The following DLG5 variants were observed in gnomAD, a reference collection of about 807,000 sequenced individuals.
The protein encoded by DLG5 is disks large homolog 5.
DLG5 carries 48 observed loss-of-function variants against 189.8 expected under a neutral mutation model. The observed-to-expected ratio is 0.25, with a 90% confidence interval of 0.20 to 0.32. The LOEUF (loss-of-function observed/expected upper bound fraction) is 0.32. Ranked by LOEUF, DLG5 falls within the 10% of genes least tolerant of loss-of-function variation. DLG5 has a pLI of 1.00. For missense variants in DLG5, 2,160 were observed against 2,544.7 expected (o/e 0.85, Z 3.25); for synonymous variants, 1,016 against 1,054.1 (o/e 0.96, Z 0.70).
At chr10:77,859,817 T>C (rs1357899808) in intron 2 of DLG5, among the ~76,000 whole-genome samples, 1 of 152,244 alleles carries the variant, frequency 6.6e-6, no homozygotes, top group African/African-American at 2.4e-5. Context: ...GGTCAAAATA[T>C]TCTTTGGCGG....
In DLG5 at chr10:77,891,681, C is replaced by T. The variant is rs570527630; in HGVS notation, c.305-22484G>A. On this transcript the variant is annotated intron_variant, in intron 1 of 31. Transcript: ENST00000372391. ...CCACATTCCCTCCAACCCCGCTACACATCACTCCCACAGGACATCACAAAA... is the reference window on the plus strand; with the variant it reads ...CCACATTCCCTCCAACCCCGCTACATATCACTCCCACAGGACATCACAAAA... 9.9e-5 allele frequency among the ~76,000 whole-genome samples: 15 copies of T among 152,248 alleles called. 1 individual carries two copies. The East Asian group carries it at 2.9e-3, about 29-fold the overall frequency.
At chr10:77,896,381 C>T (rs536748578) in intron 1 of DLG5, among the ~76,000 whole-genome samples, 12 of 152,118 alleles carry the variant, frequency 7.9e-5, no homozygotes, top group Non-Finnish European at 1.5e-4. Flanking sequence ...TGCATCAGTG[C>T]TGAGGTTCTT....
At chr10:77,933,202 C>A in the DLG5 span, among the ~76,000 whole-genome samples, 1 of 152,144 alleles carries the variant, frequency 6.6e-6, no homozygotes, top group Non-Finnish European at 1.5e-5. Flanking sequence ...GCTCTCATTG[C>A]AACTTTTTAC....
chr10:77,933,318 C>T, the DLG5 span, among the ~76,000 whole-genome samples: 3 of 151,902 alleles, frequency 2.0e-5, no homozygotes, highest in Non-Finnish European at 4.4e-5. Flanking sequence ...TAGAGTCTCG[C>T]TCTTGTTCCC....
At chr10:77,914,784 C>T (rs1410952690) in intron 1 of DLG5, among the ~76,000 whole-genome samples, 1 of 152,182 alleles carries the variant, frequency 6.6e-6, no homozygotes, top group African/African-American at 2.4e-5. Context: ...GACCTGCAGC[C>T]GCCAAACCAC....
intron 1 of DLG5, among the ~76,000 whole-genome samples, chr10:77,911,105 T>A (rs1157449563): frequency 2.6e-5 from 4 of 152,164 alleles, no homozygotes; most frequent in African/African-American, 9.6e-5. Flanking sequence ...CACTATATAT[T>A]TTTTTTAAGA....
chr10:77,846,690 C>A, intron 5 of DLG5: 1 of 456,006 alleles, frequency 2.2e-6, no homozygotes, highest in Non-Finnish European at 4.4e-6. Context: ...GAGAAATATT[C>A]TGTCTCAAAA....
chr10:77,858,166 C>T (rs1020583757), intron 2 of DLG5, among the ~76,000 whole-genome samples: 2 of 152,090 alleles, frequency 1.3e-5, no homozygotes, highest in African/African-American at 2.4e-5. Context: ...TTGTGGAACC[C>T]CAACCACTTG....
chr10:77,923,478 G>A (rs72806012), intron 1 of DLG5, among the ~76,000 whole-genome samples: 8,942 of 152,284 alleles, frequency 0.059, 330 homozygotes, highest in African/African-American at 0.081. Context: ...CCTCCCCTGC[G>A]CCGGGGCAGT....
At chr10:77,835,998 G>C in intron 7 of DLG5, 76 bp from the exon 8 acceptor site, 1 of 1,482,598 alleles carries the variant, frequency 6.7e-7, no homozygotes, top group East Asian at 2.3e-5. Flanking sequence ...ACCAGTGCGG[G>C]GGCCAAGGCT....
chr10:77,807,991 C>T (rs548119911), intron 24 of DLG5, 47 bp from the exon 25 acceptor site: 1 of 1,609,776 alleles, frequency 6.2e-7, no homozygotes, highest in Non-Finnish European at 8.5e-7. Context: ...AGCCAGGGGG[C>T]AGCTTGGGCA....
At chr10:77,855,847 C>T (rs1241953101) in intron 3 of DLG5, among the ~76,000 whole-genome samples, 1 of 152,176 alleles carries the variant, frequency 6.6e-6, no homozygotes, top group African/African-American at 2.4e-5. Flanking sequence ...AGACCTCTAC[C>T]AGCATGGGAG....
rs772874985 is a variant in DLG5, at chr10:77,812,355, G to A, written c.4048C>T (p.His1350Tyr). ...TCTGAGCCCTTCTGCACCTTCACGT[G>A]GCGTGGCTCCTCCACATAAGGCCTA... is the stretch of plus-strand genomic sequence containing the variant. Reference protein sequence around the residue: ...KDRPYVEEPRHVKVQKGSEPL... With the variant: ...KDRPYVEEPRYVKVQKGSEPL... The change falls in exon 21 of 32, where the codon CAC becomes TAC. Residue 1350 changes from histidine to tyrosine, a missense_variant. Physicochemically the swap from His to Tyr is moderately conservative, Grantham distance 83. Transcript: ENST00000372391. 8 of 1,613,114 alleles carry A rather than the reference G, an allele frequency of 5.0e-6. No individual in the cohort carries two copies. The East Asian group carries it at 1.8e-4, about 36-fold the overall frequency.
At chr10:77,853,687 A>T (rs1479684130) in intron 4 of DLG5, 150 bp from the exon 5 acceptor site, 1 of 754,590 alleles carries the variant, frequency 1.3e-6, no homozygotes, top group African/African-American at 1.7e-5. Flanking sequence ...CTCAGAGGCA[A>T]GCCAAAACCT....
At chr10:77,846,100 C>G (rs1383545379) in intron 5 of DLG5, among the ~76,000 whole-genome samples, 2 of 152,096 alleles carry the variant, frequency 1.3e-5, no homozygotes, top group African/African-American at 4.8e-5. Flanking sequence ...CAAAAATTAG[C>G]TGGGCGTGGT....
intron 13 of DLG5, among the ~76,000 whole-genome samples, chr10:77,825,374 C>CCACACACATACACACA (rs1842574248): frequency 7.6e-6 from 1 of 130,816 alleles, no homozygotes; most frequent in Admixed American, 8.1e-5. Context: ...CCACACACAA[C>CCACACACATACACACA]CACACACACA....
chr10:77,896,020 C>A (rs574759313), intron 1 of DLG5, among the ~76,000 whole-genome samples: 1 of 152,060 alleles, frequency 6.6e-6, no homozygotes, highest in South Asian at 2.1e-4. Context: ...ATTAGCCAGG[C>A]GTGGTGATGC....
At position 77,869,638 on chromosome 10, in the gene DLG5, T is replaced by C. The variant is rs1844822033; in HGVS notation, c.305-441A>G. 3 of 188,498 alleles carry C rather than the reference T, an allele frequency of 1.6e-5. No individual in the cohort carries two copies. The South Asian group carries it at 3.3e-4, about 21-fold the overall frequency. 11.7% of individuals were successfully genotyped at this position (188,498 alleles called of 1,614,324 possible). A position where few individuals can be genotyped will look rare whatever the true frequency, so the allele number is the denominator to read the frequency against. ...TTCTTTCTCTGACTGTTCTGCTCTTTAGGTTCTAACTGTATTCAAGCTCAG... is the reference window on the plus strand; with the variant it reads ...TTCTTTCTCTGACTGTTCTGCTCTTCAGGTTCTAACTGTATTCAAGCTCAG... On this transcript the variant is annotated intron_variant, in intron 1 of 31. Coordinates refer to ENST00000372391, the MANE Select transcript of DLG5 (RefSeq NM_004747.4).
At position 77,797,790 on chromosome 10, in the gene DLG5, C is replaced by CA. The variant is rs778433835; in HGVS notation, c.5165-1197dup. Among the ~76,000 whole-genome samples the CA allele has an allele frequency of 5.9e-5, 9 of 152,298 alleles. No homozygotes were observed. In the East Asian group the frequency reaches 1.4e-3, roughly 23 times the overall value. On this transcript the variant is annotated intron_variant, in intron 27 of 31. Transcript: ENST00000372391. ...GCTCAGGAGAACACAAGCACAGTGC[C>CA]AGCTGCAGCAGCAGGCTCCATGAAG... is the stretch of plus-strand genomic sequence containing the variant.
Sources: allele counts gnomAD v4.1 joint callset (sites outside exome capture counted in the v4.1 genomes callset), GRCh38; gene constraint gnomAD v4.1.1; transcripts MANE v1.5; gene names NCBI Gene and HGNC (gene_info 2026-07-23, HGNC 2026-07-21).